The following ANK2 variants were observed in gnomAD, a reference collection of about 807,000 sequenced individuals.
ANK2 encodes the protein ankyrin 2.
Under a neutral mutation model 360.5 loss-of-function variants are expected in ANK2, and 83 were observed. That is an observed-to-expected ratio of 0.23 (90% CI 0.19 to 0.28). ANK2 has a LOEUF of 0.28. Among genes scored for constraint, ANK2 ranks in the 10% least tolerant of loss-of-function variants. ANK2 has a pLI of 1.00. For synonymous variants in ANK2, 1,740 were observed against 1,759.5 expected, an observed-to-expected ratio of 0.99 and a Z score of 0.28; for missense variants, 4,201 against 4,795.7, an observed-to-expected ratio of 0.88 and a Z score of 3.66.
Position 113,343,147 on chromosome 4 carries a change from T to TA in ANK2, c.4248+6dup, listed in dbSNP as rs1205810294. ...AGACTTCCTCTATTTGTCAAGGTAA[T>TA]ATATACATGGAATTTTGTGATGCAT... On this transcript the variant is annotated splice_donor_region_variant and intron_variant, in intron 34 of 45. Transcript: ENST00000357077. 18 of 1,612,842 alleles carry TA rather than the reference T, an allele frequency of 1.1e-5. No individual in the cohort carries two copies. Among genetic ancestry groups the TA allele is most frequent in the Non-Finnish European group, 1.4e-5 (17 of 1,179,284 alleles).
At chr4:113,078,433 C>A (rs1186243875) in intron 1 of ANK2, among the ~76,000 whole-genome samples, 1 of 152,070 alleles carries the variant, frequency 6.6e-6, no homozygotes, top group African/African-American at 2.4e-5. Flanking sequence ...CAATAGTAGC[C>A]GTGGTGTCGG....
At chr4:113,053,090 T>C (rs2067884427) in intron 1 of ANK2, among the ~76,000 whole-genome samples, 1 of 152,148 alleles carries the variant, frequency 6.6e-6, no homozygotes, top group South Asian at 2.1e-4. Context: ...GTGGTGTTGT[T>C]TTGGTTTTAC....
chr4:113,367,460 C>G (rs2096577870), intron 41 of ANK2, 106 bp from the exon 42 acceptor site: 1 of 1,061,780 alleles, frequency 9.4e-7, no homozygotes, highest in Non-Finnish European at 1.4e-6. Context: ...CAGGATGTAG[C>G]ACATTTATCT....
chr4:112,742,951 G>GC, the ANK2 span, among the ~76,000 whole-genome samples: 1 of 151,994 alleles, frequency 6.6e-6, no homozygotes, highest in East Asian at 1.9e-4. Context: ...GTCTCGACTG[G>GC]CCTCTCATTC....
intron 23 of ANK2, among the ~76,000 whole-genome samples, chr4:113,309,754 A>G (rs1428676503): frequency 1.3e-5 from 2 of 152,104 alleles, no homozygotes; most frequent in African/African-American, 4.8e-5. Flanking sequence ...TTCTGAGCTC[A>G]AGCAATCCTC....
chr4:113,355,566 C>T lies in ANK2; in HGVS notation c.6948C>T (p.Pro2316=), dbSNP rs556867860. The part of the protein sequence containing the change: ...SFQKEATLGS[P]KDTSPKRQDD... ...AGAAAGAGGCCACTCTAGGCTCTCC[C>T]AAAGACACAAGCCCTAAAAGACAAG... The change falls in exon 38 of 46, where the codon CCC becomes CCT. Residue 2316 remains proline (P), a synonymous_variant. Transcript: ENST00000357077. 6.2e-7 allele frequency: 1 copy of T among 1,614,050 alleles called. No individual in the cohort carries two copies. The highest frequency in any genetic ancestry group is 1.1e-5 in the South Asian group (1 of 91,078).
chr4:113,305,529 T>C (rs1012764729), intron 23 of ANK2, among the ~76,000 whole-genome samples: 2 of 152,180 alleles, frequency 1.3e-5, no homozygotes, highest in African/African-American at 4.8e-5. Context: ...AGTCTATTTT[T>C]AGAAATAGCC....
intron 1 of ANK2, among the ~76,000 whole-genome samples, chr4:113,136,498 A>G (rs1178235973): frequency 6.6e-6 from 1 of 152,122 alleles, no homozygotes; most frequent in Non-Finnish European, 1.5e-5. Context: ...CCTGGGCAAC[A>G]TGGCGAAACC....
intron 13 of ANK2, among the ~76,000 whole-genome samples, chr4:113,259,892 C>CAGCAACCAACAAAAGAAACA (rs1331043073): frequency 6.8e-6 from 1 of 146,664 alleles, no homozygotes. Flanking sequence ...ACAACAACAA[C>CAGCAACCAACAAAAGAAACA]AGCAACCAAC....
intron 1 of ANK2, among the ~76,000 whole-genome samples, chr4:112,862,710 C>T (rs370150658): frequency 1.4e-4 from 22 of 151,900 alleles, no homozygotes; most frequent in African/African-American, 5.1e-4. Flanking sequence ...GCAATTATTT[C>T]GTATCTTTGA....
chr4:112,777,511 G>T, the ANK2 span, among the ~76,000 whole-genome samples: 1 of 151,960 alleles, frequency 6.6e-6, no homozygotes, highest in Non-Finnish European at 1.5e-5. Context: ...AAAGTGCTGG[G>T]ATTACAGGCG....
At chr4:112,904,215 C>T (rs1210568883) in intron 1 of ANK2, among the ~76,000 whole-genome samples, 2 of 152,114 alleles carry the variant, frequency 1.3e-5, no homozygotes, top group African/African-American at 2.4e-5. Flanking sequence ...ATTTCTCTTA[C>T]AGATTAATAG....
At chr4:113,303,664 C>T (rs1288025640) in intron 23 of ANK2, among the ~76,000 whole-genome samples, 1 of 151,882 alleles carries the variant, frequency 6.6e-6, no homozygotes, top group African/African-American at 2.4e-5. Context: ...ACTAAAAAAT[C>T]ATGAAAGCAG....
At chr4:113,177,692 G>A (rs951311131) in intron 2 of ANK2, among the ~76,000 whole-genome samples, 5 of 152,104 alleles carry the variant, frequency 3.3e-5, no homozygotes, top group Non-Finnish European at 7.4e-5. Flanking sequence ...TCTTGAGTTA[G>A]CTTTTTCTTA....
intron 1 of ANK2, among the ~76,000 whole-genome samples, chr4:113,080,082 A>T (rs189108031): frequency 6.6e-6 from 1 of 152,206 alleles, no homozygotes; most frequent in Non-Finnish European, 1.5e-5. Context: ...TATTTTTGGT[A>T]GAGACGGGGT....
At chr4:112,886,577 G>A (rs1310734779) in intron 1 of ANK2, among the ~76,000 whole-genome samples, 3 of 152,052 alleles carry the variant, frequency 2.0e-5, no homozygotes, top group Non-Finnish European at 2.9e-5. Flanking sequence ...CAGGAGAATC[G>A]CTTGAACCTG....
At chr4:113,256,121 A>C (rs1338882673) in intron 11 of ANK2, among the ~76,000 whole-genome samples, 189 bp downstream of exon 11, 2 of 152,260 alleles carry the variant, frequency 1.3e-5, no homozygotes, top group Non-Finnish European at 2.9e-5. Flanking sequence ...GCTGGTGAGC[A>C]AAGATGTATT....
the ANK2 span, among the ~76,000 whole-genome samples, chr4:112,786,710 C>T: frequency 1.4e-5 from 2 of 148,132 alleles, no homozygotes; most frequent in African/African-American, 5.0e-5. Context: ...TTTTTAATGC[C>T]TTTGGTCATC....
At chr4:113,365,385 C>T (rs915369181) in intron 41 of ANK2, among the ~76,000 whole-genome samples, 4 of 152,036 alleles carry the variant, frequency 2.6e-5, no homozygotes, top group African/African-American at 9.7e-5. Context: ...CCGCTTCATG[C>T]TCATTCTTTG....
Sources: allele counts gnomAD v4.1 joint callset (sites outside exome capture counted in the v4.1 genomes callset), GRCh38; gene constraint gnomAD v4.1.1; transcripts MANE v1.5; gene names NCBI Gene and HGNC (gene_info 2026-07-23, HGNC 2026-07-21).